TRAPPC9: variants seen among roughly 807,000 people sequenced by gnomAD.
TRAPPC9 encodes IKK2 binding protein.
In TRAPPC9, 83 loss-of-function variants were observed where a neutral mutation model predicts 124.0. The ratio of observed to expected loss-of-function variants is 0.67; its 90% confidence interval spans 0.56 to 0.80. TRAPPC9 has a LOEUF of 0.80. Ranked by LOEUF, TRAPPC9 falls within the 30% of genes least tolerant of loss-of-function variation. TRAPPC9 has a pLI of 0.00. For synonymous variants in TRAPPC9, 638 were observed against 617.5 expected (o/e 1.03, Z -0.49); for missense variants, 1,302 against 1,508.3 (o/e 0.86, Z 2.27).
chr8:139,829,335 C>T (rs1825827298), intron 21 of TRAPPC9, among the ~76,000 whole-genome samples: 1 of 152,248 alleles, frequency 6.6e-6, no homozygotes, highest in South Asian at 2.1e-4. Flanking sequence ...CAGGAGGAAG[C>T]AGACGATAGG....
In TRAPPC9 at chr8:140,302,191, C is replaced by T. The variant is rs537444503; in HGVS notation, c.1623-1577G>A. 6.6e-5 allele frequency among the ~76,000 whole-genome samples: 10 copies of T among 152,300 alleles called. 1 individual carries two copies. In the East Asian group the frequency reaches 1.2e-3, roughly 18 times the overall value. Reference sequence around the variant, plus strand: ...CCACCACAGACCCACATCCCAGCCCCGGGGAGCCTGCCACATGCGTGGTTC... The same window carrying T: ...CCACCACAGACCCACATCCCAGCCCTGGGGAGCCTGCCACATGCGTGGTTC... On this transcript the variant is annotated intron_variant, in intron 10 of 22. Coordinates refer to ENST00000438773, the MANE Select transcript of TRAPPC9 (RefSeq NM_001160372.4).
chr8:140,270,010 G>A (rs933785800), intron 15 of TRAPPC9, among the ~76,000 whole-genome samples: 18 of 152,006 alleles, frequency 1.2e-4, no homozygotes, highest in Non-Finnish European at 7.4e-5. Flanking sequence ...TGAGGCAGGA[G>A]AATCTCTTGA....
At chr8:139,871,899 GT>G (rs1828927098) in intron 21 of TRAPPC9, among the ~76,000 whole-genome samples, 1 of 152,226 alleles carries the variant, frequency 6.6e-6, no homozygotes, top group African/African-American at 2.4e-5. Context: ...GAATGGATGG[GT>G]GAGTGGGAGC....
intron 21 of TRAPPC9, among the ~76,000 whole-genome samples, chr8:139,752,057 ACCAT>A (rs781549926): frequency 4.7e-5 from 7 of 149,064 alleles, no homozygotes; most frequent in Admixed American, 2.7e-4. Flanking sequence ...CCATCTCTCT[ACCAT>A]CCATCCATCC....
At chr8:140,337,405 A>G (rs1438471487) in intron 9 of TRAPPC9, among the ~76,000 whole-genome samples, 1 of 152,160 alleles carries the variant, frequency 6.6e-6, no homozygotes, top group Admixed American at 6.5e-5. Context: ...GAAAGATAAA[A>G]CAGGAAGAAC....
At chr8:139,970,185 C>G (rs763042877) in intron 19 of TRAPPC9, among the ~76,000 whole-genome samples, 1 of 152,168 alleles carries the variant, frequency 6.6e-6, no homozygotes, top group Non-Finnish European at 1.5e-5. Flanking sequence ...CAGGCGCCAG[C>G]GATGCCCAAA....
chr8:140,051,030 A>T (rs1841966402), intron 17 of TRAPPC9, among the ~76,000 whole-genome samples: 1 of 152,238 alleles, frequency 6.6e-6, no homozygotes, highest in Admixed American at 6.5e-5. Flanking sequence ...AATCTCGTAC[A>T]GAGAGGGTTT....
At chr8:140,033,531 GA>G (rs113030070) in intron 17 of TRAPPC9, among the ~76,000 whole-genome samples, 2,354 of 146,652 alleles carry the variant, frequency 0.016, 55 homozygotes, top group African/African-American at 0.055. Context: ...AACATCAAAG[GA>G]AAAAAAAAAT....
At chr8:140,419,223 T>C (rs527468347) in intron 5 of TRAPPC9, among the ~76,000 whole-genome samples, 2 of 151,810 alleles carry the variant, frequency 1.3e-5, no homozygotes, top group African/African-American at 4.8e-5. Context: ...GGTCAGGAGA[T>C]TGAGACCATC....
At chr8:140,237,668 G>A (rs1399852755) in intron 16 of TRAPPC9, among the ~76,000 whole-genome samples, 3 of 152,038 alleles carry the variant, frequency 2.0e-5, no homozygotes, top group Non-Finnish European at 4.4e-5. Context: ...GAGGGAGGAG[G>A]GGGACAGGGA....
intron 20 of TRAPPC9, among the ~76,000 whole-genome samples, chr8:139,903,598 C>T (rs1272599408): frequency 2.0e-5 from 3 of 152,242 alleles, no homozygotes; most frequent in Non-Finnish European, 4.4e-5. Context: ...CTGTGCAGGG[C>T]TGCTCTGGAA....
intron 17 of TRAPPC9, among the ~76,000 whole-genome samples, chr8:140,186,765 G>A (rs2062363255): frequency 1.3e-5 from 2 of 152,206 alleles, no homozygotes; most frequent in Non-Finnish European, 2.9e-5. Context: ...TTGACAGTGT[G>A]AGTGGGAATG....
chr8:140,333,125 C>CA (rs34690399), intron 9 of TRAPPC9, among the ~76,000 whole-genome samples: 92,740 of 139,030 alleles, frequency 0.67, 29,863 homozygotes, highest in African/African-American at 0.76. Context: ...GACTTTGTCT[C>CA]AAAAAAAAAA....
intron 19 of TRAPPC9, chr8:139,933,012 A>G (rs1399305661): frequency 6.4e-6 from 1 of 156,388 alleles, no homozygotes; most frequent in Non-Finnish European, 1.4e-5. Context: ...AAAAGCCACT[A>G]CTTCCAGAAG....
At chr8:140,424,472 G>GAAAAAATT (rs1398589159) in intron 5 of TRAPPC9, among the ~76,000 whole-genome samples, 9 of 151,784 alleles carry the variant, frequency 5.9e-5, no homozygotes, top group African/African-American at 2.2e-4. Context: ...CCATCTCTAT[G>GAAAAAATT]AAAAAATTAA....
chr8:140,161,934 C>T (rs562240575), intron 17 of TRAPPC9, among the ~76,000 whole-genome samples: 32 of 152,220 alleles, frequency 2.1e-4, no homozygotes, highest in Admixed American at 1.9e-3. Context: ...TGCAGGCAGA[C>T]GGGCAGCCTC....
intron 9 of TRAPPC9, among the ~76,000 whole-genome samples, chr8:140,349,208 G>C (rs2067450512): frequency 1.8e-5 from 2 of 113,710 alleles, no homozygotes. Flanking sequence ...AGGCGGGCGA[G>C]GGAAGGGCAC....
chr8:139,797,841 C>T (rs1326062985), intron 21 of TRAPPC9, among the ~76,000 whole-genome samples: 1 of 152,228 alleles, frequency 6.6e-6, no homozygotes, highest in African/African-American at 2.4e-5. Context: ...CACTCGATTT[C>T]AGTCTGTTGA....
At chr8:140,121,672 C>T (rs1289196101) in intron 17 of TRAPPC9, among the ~76,000 whole-genome samples, 2 of 152,242 alleles carry the variant, frequency 1.3e-5, no homozygotes, top group Non-Finnish European at 2.9e-5. Context: ...AATTGCATGT[C>T]TATCCTATTG....
Sources: gnomAD v4.1 joint callset for allele counts (sites outside exome capture counted in the v4.1 genomes callset) on GRCh38, gnomAD v4.1.1 for gene constraint, MANE v1.5 for transcripts, NCBI Gene and HGNC (gene_info 2026-07-23, HGNC 2026-07-21) for gene names.